GRB2: variants seen among roughly 807,000 people sequenced by gnomAD.
GRB2 encodes the protein growth factor receptor-bound protein 2.
A neutral mutation model predicts 27.4 loss-of-function variants in GRB2; 2 were observed. That is an observed-to-expected ratio of 0.07 (90% CI 0.03 to 0.23). GRB2 has a LOEUF of 0.23. Among genes scored for constraint, GRB2 ranks in the 10% least tolerant of loss-of-function variants. The pLI, the probability that GRB2 is intolerant of heterozygous loss-of-function variation, is 1.00. For missense variants in GRB2, 102 were observed against 282.4 expected (o/e 0.36, Z 4.58); for synonymous variants, 94 against 99.6 (o/e 0.94, Z 0.33).
intron 2 of GRB2, among the ~76,000 whole-genome samples, chr17:75,389,925 C>T (rs948910121): frequency 2.6e-5 from 4 of 152,184 alleles, no homozygotes; most frequent in Non-Finnish European, 4.4e-5. Flanking sequence ...CCATCTTGTA[C>T]TGTTTCACAT....
At chr17:75,380,910 G>T (rs2078923740) in intron 2 of GRB2, among the ~76,000 whole-genome samples, 1 of 152,178 alleles carries the variant, frequency 6.6e-6, no homozygotes, top group African/African-American at 2.4e-5. Flanking sequence ...TGTTAAAGGA[G>T]ACTAGAGAAT....
At chr17:75,325,279 C>CAT (rs10644632) in intron 4 of GRB2, among the ~76,000 whole-genome samples, 92,281 of 151,854 alleles carry the variant, frequency 0.61, 32,125 homozygotes, top group East Asian at 0.87. Context: ...AAGTAAAAAA[C>CAT]ATGGAAATAA....
At chr17:75,353,624 GT>G in intron 2 of GRB2, among the ~76,000 whole-genome samples, 1 of 151,982 alleles carries the variant, frequency 6.6e-6, no homozygotes, top group Non-Finnish European at 1.5e-5. Flanking sequence ...GCCAGGTGTG[GT>G]GGCACATGCC....
intron 2 of GRB2, among the ~76,000 whole-genome samples, chr17:75,366,209 A>G (rs549023028): frequency 1.3e-5 from 2 of 152,326 alleles, no homozygotes; most frequent in East Asian, 3.9e-4. Flanking sequence ...GCCCTGATCA[A>G]ATCTTATCTG....
chr17:75,330,908 C>A (rs1236672899), intron 3 of GRB2, among the ~76,000 whole-genome samples: 1 of 152,120 alleles, frequency 6.6e-6, no homozygotes, highest in East Asian at 1.9e-4. Context: ...TGCCAACAAT[C>A]ATTTTGTAGT....
At chr17:75,362,285 T>C (rs568663821) in intron 2 of GRB2, among the ~76,000 whole-genome samples, 1 of 152,330 alleles carries the variant, frequency 6.6e-6, no homozygotes, top group African/African-American at 2.4e-5. Context: ...TAATTACCAC[T>C]TCTCATGAAA....
At position 75,376,334 on chromosome 17, in the gene GRB2, G is replaced by T. The variant is rs1410341671; in HGVS notation, c.78+17217C>A. Reference sequence around the variant, plus strand: ...CACTCCAGCCTGGGTGACAGACAGAGACTCTGTCTCAAAAAAAAAAAAAAA... The same window carrying T: ...CACTCCAGCCTGGGTGACAGACAGATACTCTGTCTCAAAAAAAAAAAAAAA... On this transcript the variant is annotated intron_variant, in intron 2 of 5. Transcript: ENST00000316804. 1.0e-4 allele frequency among the ~76,000 whole-genome samples: 11 copies of T among 108,308 alleles called. No individual in the cohort carries two copies. The East Asian group carries it at 3.2e-3, about 32-fold the overall frequency. The allele number at this position is 108,308 out of a possible 152,430, so 71.1% of individuals were successfully genotyped here.
At chr17:75,391,873 T>G (rs1165784512) in intron 2 of GRB2, among the ~76,000 whole-genome samples, 1 of 152,048 alleles carries the variant, frequency 6.6e-6, no homozygotes, top group Non-Finnish European at 1.5e-5. Context: ...TTTTAATTTG[T>G]TGCTTCAGTG....
At chr17:75,360,484 T>A (rs1427738840) in intron 2 of GRB2, among the ~76,000 whole-genome samples, 1 of 152,216 alleles carries the variant, frequency 6.6e-6, no homozygotes, top group Non-Finnish European at 1.5e-5. Context: ...ATTATCTGAT[T>A]TTAGAAGGCT....
chr17:75,393,198 T>C lies in GRB2; in HGVS notation c.78+353A>G, dbSNP rs2079009277. Among the ~76,000 whole-genome samples, 5 of 152,322 alleles carry C rather than the reference T, an allele frequency of 3.3e-5. No individual in the cohort carries two copies. The South Asian group carries it at 1.0e-3, about 32-fold the overall frequency. Reference sequence around the variant, plus strand: ...TGCTTTTACATAAATACTTCAGGTCTGGGTCTTTTTAAAAAATGCTATTTT... The same window carrying C: ...TGCTTTTACATAAATACTTCAGGTCCGGGTCTTTTTAAAAAATGCTATTTT... On this transcript the variant is annotated intron_variant, in intron 2 of 5. Coordinates refer to ENST00000316804, the MANE Select transcript of GRB2 (RefSeq NM_002086.5).
chr17:75,378,265 C>T (rs1012617188), intron 2 of GRB2, among the ~76,000 whole-genome samples: 1 of 152,102 alleles, frequency 6.6e-6, no homozygotes, highest in Non-Finnish European at 1.5e-5. Context: ...TGGTGGGCAG[C>T]TGTAATCCTA....
At chr17:75,375,387 G>GA (rs11464562) in intron 2 of GRB2, among the ~76,000 whole-genome samples, 98,094 of 147,590 alleles carry the variant, frequency 0.66, 36,697 homozygotes, top group East Asian at 0.91. Context: ...CAATCTTCAG[G>GA]AAAAAAAAAA....
chr17:75,348,683 T>G (rs965773825), intron 2 of GRB2, among the ~76,000 whole-genome samples: 1 of 152,166 alleles, frequency 6.6e-6, no homozygotes, highest in African/African-American at 2.4e-5. Context: ...CTATTTACTT[T>G]TCAGTTTTAG....
chr17:75,377,830 C>G (rs2078903971), intron 2 of GRB2, among the ~76,000 whole-genome samples: 1 of 151,886 alleles, frequency 6.6e-6, no homozygotes, highest in Non-Finnish European at 1.5e-5. Context: ...CTGCTTGAAC[C>G]CGGGAGGCAG....
chr17:75,335,702 A>C (rs953104409), intron 2 of GRB2, among the ~76,000 whole-genome samples: 1 of 152,182 alleles, frequency 6.6e-6, no homozygotes, highest in Non-Finnish European at 1.5e-5. Flanking sequence ...TATGTGTAGC[A>C]AACTCTCAAA....
chr17:75,325,480 C>T lies in GRB2; in HGVS notation c.299+418G>A, dbSNP rs776948873. ...CAAGCCCCACATCCCCTGCAGCAGC[C>T]TTCTTAAGTGACTGTGAGGGCCTAG... is the stretch of plus-strand genomic sequence containing the variant. On this transcript the variant is annotated intron_variant, in intron 4 of 5. Coordinates refer to ENST00000316804, the MANE Select transcript of GRB2 (RefSeq NM_002086.5). Among the ~76,000 whole-genome samples the T allele has an allele frequency of 1.8e-4, 27 of 152,298 alleles. No homozygotes were observed. In the Middle Eastern group the frequency reaches 0.01, roughly 58 times the overall value.
intron 2 of GRB2, among the ~76,000 whole-genome samples, chr17:75,338,411 C>A (rs1271556356): frequency 6.6e-6 from 1 of 152,160 alleles, no homozygotes; most frequent in Non-Finnish European, 1.5e-5. Flanking sequence ...CATGAGCAAG[C>A]TGCTCCCATC....
intron 2 of GRB2, among the ~76,000 whole-genome samples, chr17:75,337,452 G>A (rs1006175532): frequency 6.6e-6 from 1 of 152,020 alleles, no homozygotes; most frequent in Non-Finnish European, 1.5e-5. Context: ...AGAGCTCGAG[G>A]TGGCAGAGAC....
chr17:75,335,158 G>C (rs2078568657), intron 2 of GRB2, among the ~76,000 whole-genome samples: 1 of 152,124 alleles, frequency 6.6e-6, no homozygotes, highest in Non-Finnish European at 1.5e-5. Flanking sequence ...GGGGGGACTA[G>C]TATATACGGA....
Sources: gnomAD v4.1 joint callset for allele counts (sites outside exome capture counted in the v4.1 genomes callset) on GRCh38, gnomAD v4.1.1 for gene constraint, MANE v1.5 for transcripts, NCBI Gene and HGNC (gene_info 2026-07-23, HGNC 2026-07-21) for gene names.